Variants in MUC17 observed in about 807,000 individuals in gnomAD.
The protein encoded by MUC17 is mucin 17, cell surface associated.
A neutral mutation model predicts 170.3 loss-of-function variants in MUC17; 190 were observed. The ratio of observed to expected loss-of-function variants is 1.12; its 90% CI spans 0.99 to 1.26. The LOEUF is 1.26. Among genes scored for constraint, MUC17 ranks in the 50% most tolerant of loss-of-function variants. The probability of loss-of-function intolerance (pLI) is 0.00; values close to 1 mark genes in which losing one functional copy is unlikely to be tolerated. For missense variants in MUC17, 6,415 were observed against 5,530.0 expected (o/e 1.16, Z -5.08); for synonymous variants, 2,325 against 2,002.5 (o/e 1.16, Z -4.30).
In MUC17 at chr7:101,043,474, G is replaced by A; in HGVS notation, c.12058G>A (p.Gly4020Ser). 2 of 1,614,150 alleles carry A rather than the reference G, an allele frequency of 1.2e-6. No homozygotes were observed. Among genetic ancestry groups the A allele is most frequent in the African/African-American group, 1.3e-5 (1 of 75,028 alleles). ...CAGCACACCCAGAACAACCAGCAGA[G>A]GCTGCACTACTTCTGCATCAACGCT... ...APSTPRTTSRGCTTSASTLSA... is the reference protein window; with the variant it reads ...APSTPRTTSRSCTTSASTLSA... The change falls in exon 3 of 13, where the codon GGC becomes AGC. Residue 4020 changes from glycine to serine, a missense_variant. Gly to Ser is a moderately conservative substitution (Grantham distance 56, BLOSUM62 0). Coordinates refer to ENST00000306151, the MANE Select transcript of MUC17 (RefSeq NM_001040105.2).
intron 7 of MUC17, 61 bp from the exon 8 acceptor site, chr7:101,051,552 C>A: frequency 6.4e-7 from 1 of 1,557,328 alleles, no homozygotes; most frequent in South Asian, 1.1e-5. Flanking sequence ...CGTCTCAGCT[C>A]CCTGAGGACG....
intron 1 of MUC17, among the ~76,000 whole-genome samples, chr7:101,021,966 C>T (rs978877278): frequency 4.6e-5 from 7 of 152,182 alleles, no homozygotes; most frequent in African/African-American, 1.2e-4. Flanking sequence ...ACACAATGTC[C>T]TGTCTGTTTG....
In MUC17 at chr7:101,036,264, T is replaced by C; in HGVS notation, c.4848T>C (p.Ala1616=). 1 of 1,613,878 alleles carries C rather than the reference T, an allele frequency of 6.2e-7. No individual in the cohort carries two copies. Among genetic ancestry groups the C allele is most frequent in the Non-Finnish European group, 8.5e-7 (1 of 1,179,960 alleles). The change falls in exon 3 of 13, where the codon GCT becomes GCC. Residue 1616 remains alanine (A), a synonymous_variant. Transcript: ENST00000306151. The stretch of plus-strand genomic sequence containing the variant: ...CTGAAGCCAGTTCATCTACAACCGC[T>C]GAAGGTAGCAGCATGACAATCTCAA... The part of the protein sequence containing the change: ...ASTEASSSTT[A]EGSSMTISTP...
intron 12 of MUC17, 51 bp from the exon 13 acceptor site, chr7:101,057,952 C>G (rs1795076800): frequency 6.4e-7 from 1 of 1,555,610 alleles, no homozygotes. Context: ...CTTCCAGAAT[C>G]CCAAATTCCT....
rs1177709635 is a variant in MUC17 at position 101,053,107 on chromosome 7, CT to C, written c.13226del (p.Leu4409ProfsTer2). ...GCTGATGCTGATCATCCTGGTAGCT[CT>C]CCTGATGCTCGTTTTCCGCTCCAAG... is the stretch of plus-strand genomic sequence containing the variant. ...VVLMLIILVA[L>X]LMLVFRSKRE... On this transcript the variant is annotated frameshift_variant, in exon 10 of 13. Transcript: ENST00000306151. LOFTEE classifies it high-confidence loss of function. The C allele has an allele frequency of 2.5e-6, 4 of 1,614,112 alleles. No homozygotes were observed. The Admixed American group carries it at 5.0e-5, about 20-fold the overall frequency.
rs139700605 is a variant in MUC17, at chr7:101,051,637, G to T, written c.12899G>T (p.Gly4300Val). 7 of 1,611,968 alleles carry T rather than the reference G, an allele frequency of 4.3e-6. No individual in the cohort carries two copies. Among genetic ancestry groups the T allele is most frequent in the Non-Finnish European group, 5.9e-6 (7 of 1,179,540 alleles). Reference protein sequence around the residue: ...CSDMMCFNTTGTQVQNITVTQ... With the variant: ...CSDMMCFNTTVTQVQNITVTQ... ...GACATGATGTGTTTCAACACCACTG[G>T]CACCCAAGTGCAAAACATTACGGTG... Residue 4300 changes from glycine to valine, a missense_variant, in exon 8 of 13, where the codon GGC becomes GTC. Physicochemically the swap from Gly to Val is moderately radical, Grantham distance 109. Coordinates refer to ENST00000306151, the MANE Select transcript of MUC17 (RefSeq NM_001040105.2).
chr7:101,056,007 T>G (rs1486380169), intron 11 of MUC17, among the ~76,000 whole-genome samples, 187 bp from the exon 12 acceptor site: 1 of 152,216 alleles, frequency 6.6e-6, no homozygotes, highest in Non-Finnish European at 1.5e-5. Flanking sequence ...TTCATAGCCT[T>G]AATATGCCTG....
chr7:101,032,195 C>T lies in MUC17; in HGVS notation c.779C>T (p.Ala260Val). The part of the protein sequence containing the change: ...SAQASSSPTT[A>V]EGPSLSNSAP... Reference sequence around the variant, plus strand: ...CAAGCCAGTTCATCTCCTACAACTGCTGAAGGTCCCAGCCTGTCAAACTCA... The same window carrying T: ...CAAGCCAGTTCATCTCCTACAACTGTTGAAGGTCCCAGCCTGTCAAACTCA... The change falls in exon 3 of 13, where the codon GCT becomes GTT. Residue 260 changes from alanine to valine, a missense_variant. Transcript: ENST00000306151. The T allele has an allele frequency of 1.9e-6, 3 of 1,614,242 alleles. No homozygotes were observed. Among genetic ancestry groups the T allele is most frequent in the East Asian group, 2.2e-5 (1 of 44,888 alleles).
At position 101,036,024 on chromosome 7, in the gene MUC17, A is replaced by G; in HGVS notation, c.4608A>G (p.Thr1536=). The G allele has an allele frequency of 6.2e-7, 1 of 1,610,388 alleles. No individual in the cohort carries two copies. Among genetic ancestry groups the G allele is most frequent in the East Asian group, 2.2e-5 (1 of 44,742 alleles). Residue 1536 remains threonine, a synonymous_variant, in exon 3 of 13, where the codon ACA becomes ACG. Coordinates refer to ENST00000306151, the MANE Select transcript of MUC17 (RefSeq NM_001040105.2). Reference sequence around the variant, plus strand: ...GTTCTGAAATCAACAGCCTTTCAACAACTCCTGCTGTCACCAGCACACCTG... The same window carrying G: ...GTTCTGAAATCAACAGCCTTTCAACGACTCCTGCTGTCACCAGCACACCTG... ...VASSEINSLS[T]TPAVTSTPVT...
At chr7:101,052,231 T>C (rs1374301205) in intron 9 of MUC17, among the ~76,000 whole-genome samples, 14 of 152,182 alleles carry the variant, frequency 9.2e-5, no homozygotes, top group South Asian at 8.3e-4. Context: ...GGGAAGGTTG[T>C]CCGACTGAGG....
rs368730167 is a variant in MUC17, at chr7:101,028,092, CTTTT to C, written c.83-3014_83-3011del. 5.5e-5 allele frequency among the ~76,000 whole-genome samples: 7 copies of C among 127,394 alleles called. No individual in the cohort carries two copies. In the South Asian group the frequency reaches 1.3e-3, roughly 23 times the overall value. The allele number at this position is 127,394 out of a possible 152,430, so 83.6% of individuals were successfully genotyped here. A position where few individuals can be genotyped will look rare whatever the true frequency, so the allele number is the denominator to read the frequency against. On this transcript the variant is annotated intron_variant, in intron 1 of 12. Coordinates refer to ENST00000306151, the MANE Select transcript of MUC17 (RefSeq NM_001040105.2). ...CTCACCCTTAAATTTTTTTTTAATT[CTTTT>C]TTTTTTTTTTTTTGAGATGGAGTCT...
Position 101,039,559 on chromosome 7 carries a change from ACTC to A in MUC17, c.8146_8148del (p.Pro2716del), listed in dbSNP as rs1415941208. 1 of 1,611,822 alleles carries A rather than the reference ACTC, an allele frequency of 6.2e-7. No individual in the cohort carries two copies. Among genetic ancestry groups the A allele is most frequent in the African/African-American group, 1.3e-5 (1 of 74,678 alleles). ...TTCTGAGGCTAGCACCCTTTCAACA[ACTC>A]CTGTTGACACCAGCACACCTGTCAC... On this transcript the variant is annotated inframe_deletion, in exon 3 of 13. Coordinates refer to ENST00000306151, the MANE Select transcript of MUC17 (RefSeq NM_001040105.2).
At chr7:101,056,418 A>C in intron 12 of MUC17, 148 bp downstream of exon 12, 1 of 1,287,188 alleles carries the variant, frequency 7.8e-7, no homozygotes, top group South Asian at 1.7e-5. Flanking sequence ...ACTGCCAGGA[A>C]ACAAGCCTAA....
rs1207467664 is a variant in MUC17 at position 101,036,059 on chromosome 7, A to T, written c.4643A>T (p.Tyr1548Phe). The change falls in exon 3 of 13, where the codon TAT becomes TTT. Residue 1548 changes from tyrosine to phenylalanine, a missense_variant. By Grantham distance (22) the Tyr-to-Phe change is conservative (BLOSUM62 3). Transcript: ENST00000306151. ...GTCACCAGCACACCTGTGACCACTT[A>T]TTCTCAAGCCAGTTCATCTCCTACA... ...PAVTSTPVTT[Y>F]SQASSSPTTA... 6.2e-7 allele frequency: 1 copy of T among 1,609,542 alleles called. No homozygotes were observed. The highest frequency in any genetic ancestry group is 8.5e-7 in the Non-Finnish European group (1 of 1,177,796).
In MUC17 at chr7:101,040,800, T is replaced by C. The variant is rs753733193; in HGVS notation, c.9384T>C (p.Thr3128=). The stretch of plus-strand genomic sequence containing the variant: ...CTGCAATCAGCACCCTTTCAACAAC[T>C]CCTGTTGACACCAGCACACCTGTGA... ...TSSAISTLST[T]PVDTSTPVTT... The change falls in exon 3 of 13, where the codon ACT becomes ACC. Residue 3128 remains threonine, a synonymous_variant. Coordinates refer to ENST00000306151, the MANE Select transcript of MUC17 (RefSeq NM_001040105.2). 6.2e-7 allele frequency: 1 copy of C among 1,613,202 alleles called. No individual in the cohort carries two copies. Among genetic ancestry groups the C allele is most frequent in the Non-Finnish European group, 8.5e-7 (1 of 1,179,734 alleles).
Position 101,035,889 on chromosome 7 carries a change from A to C in MUC17, c.4473A>C (p.Ala1491=). The C allele has an allele frequency of 1.2e-6, 2 of 1,610,464 alleles. No homozygotes were observed. The highest frequency in any genetic ancestry group is 1.1e-5 in the South Asian group (1 of 90,652). The change falls in exon 3 of 13, where the codon GCA becomes GCC. Residue 1491 remains alanine, a synonymous_variant. Transcript: ENST00000306151. The stretch of plus-strand genomic sequence containing the variant: ...ACAGTCCTGTGGTCACTTCTACAGC[A>C]GTCAGTTCATCTCCTACACCTGCTG... ...DSNSPVVTST[A]VSSSPTPAEG...
At chr7:101,049,966 AC>A (rs1173603581) in intron 6 of MUC17, among the ~76,000 whole-genome samples, 1 of 152,152 alleles carries the variant, frequency 6.6e-6, no homozygotes, top group African/African-American at 2.4e-5. Flanking sequence ...CCTTGTCTCT[AC>A]AAAAAATACA....
At chr7:101,048,237 TTTTTGTTTTGTTTTG>T in intron 4 of MUC17, 122 bp downstream of exon 4, 1 of 1,039,228 alleles carries the variant, frequency 9.6e-7, no homozygotes, top group Non-Finnish European at 1.3e-6. Context: ...GCTGTGGTGT[TTTTTGTTTTGTTTTG>T]TTTTGTTTTG....
In MUC17 at chr7:101,058,345, C is replaced by G. The variant is rs914020578; in HGVS notation, c.*301C>G. ...GCAACATCTTTCACCCCATTGATCGCCAGGATTGATTTGGTTGATCTGGCT... is the reference window on the plus strand; with the variant it reads ...GCAACATCTTTCACCCCATTGATCGGCAGGATTGATTTGGTTGATCTGGCT... On this transcript the variant is annotated 3_prime_UTR_variant, in exon 13 of 13. Transcript: ENST00000306151. 18 of 243,750 alleles carry G rather than the reference C, an allele frequency of 7.4e-5. 1 individual carries two copies. Among genetic ancestry groups the G allele is most frequent in the Non-Finnish European group, 1.2e-4 (15 of 125,842 alleles). The allele number at this position is 243,750 out of a possible 1,614,324, so 15.1% of individuals were successfully genotyped here. A position where few individuals can be genotyped will look rare whatever the true frequency, so the allele number is the denominator to read the frequency against.
Sources: gnomAD v4.1 joint callset for allele counts (sites outside exome capture counted in the v4.1 genomes callset) on GRCh38, gnomAD v4.1.1 for gene constraint, MANE v1.5 for transcripts, NCBI Gene and HGNC (gene_info 2026-07-23, HGNC 2026-07-21) for gene names.